Variants in MCC observed in about 807,000 individuals in gnomAD.
MCC encodes colorectal mutant cancer protein.
In MCC, 90 loss-of-function variants were observed where a neutral mutation model predicts 116.2. The ratio of observed to expected loss-of-function variants is 0.77; its 90% CI spans 0.65 to 0.92. The LOEUF (loss-of-function observed/expected upper bound fraction) is 0.92. Ranked by LOEUF, MCC falls within the 40% of genes least tolerant of loss-of-function variation. MCC has a pLI of 0.00. For missense variants in MCC, 1,516 were observed against 1,312.2 expected (o/e 1.16, Z -2.40); for synonymous variants, 578 against 510.5 (o/e 1.13, Z -1.78).
chr5:113,422,141 T>C (rs892042557), intron 1 of MCC, among the ~76,000 whole-genome samples: 2 of 152,202 alleles, frequency 1.3e-5, no homozygotes, highest in Non-Finnish European at 2.9e-5. Flanking sequence ...AGCCTTGATT[T>C]GGAGCATTTG....
chr5:113,232,222 A>C (rs1204037523), intron 3 of MCC, among the ~76,000 whole-genome samples: 1 of 152,234 alleles, frequency 6.6e-6, no homozygotes, highest in Non-Finnish European at 1.5e-5. Context: ...GTGAAGTAGG[A>C]AAACAACATA....
chr5:113,365,369 C>G (rs144762128), intron 2 of MCC, among the ~76,000 whole-genome samples: 1 of 152,196 alleles, frequency 6.6e-6, no homozygotes, highest in Non-Finnish European at 1.5e-5. Context: ...CACAAGTGAC[C>G]TTTACTCTAG....
At chr5:113,320,401 G>T (rs1767389891) in intron 3 of MCC, among the ~76,000 whole-genome samples, 1 of 150,144 alleles carries the variant, frequency 6.7e-6, no homozygotes, top group Non-Finnish European at 1.5e-5. Flanking sequence ...ATTTTCAAAT[G>T]GTGATAACAT....
At chr5:113,036,012 C>CTTTT (rs771378295) in intron 17 of MCC, among the ~76,000 whole-genome samples, 5 of 62,904 alleles carry the variant, frequency 7.9e-5, no homozygotes, top group African/African-American at 3.3e-4. Flanking sequence ...GGATGAGGAA[C>CTTTT]TTTTTTTTTT....
At chr5:113,300,308 A>G (rs967864424) in intron 3 of MCC, among the ~76,000 whole-genome samples, 1 of 152,102 alleles carries the variant, frequency 6.6e-6, no homozygotes, top group African/African-American at 2.4e-5. Flanking sequence ...CCAGCAGTCC[A>G]CTGTGCTGAG....
intron 3 of MCC, among the ~76,000 whole-genome samples, chr5:113,212,260 A>G (rs1763161720): frequency 6.6e-6 from 1 of 152,162 alleles, no homozygotes; most frequent in Admixed American, 6.5e-5. Flanking sequence ...AGGCAAGAAA[A>G]AGCCATTCCC....
At chr5:113,347,786 A>AATG (rs140592178) in intron 2 of MCC, among the ~76,000 whole-genome samples, 29,563 of 151,928 alleles carry the variant, frequency 0.19, 3,467 homozygotes, top group Admixed American at 0.32. Flanking sequence ...AGAGTGCCTA[A>AATG]ATGGATAAAA....
At chr5:113,284,455 T>C (rs1766169114) in intron 3 of MCC, among the ~76,000 whole-genome samples, 1 of 152,240 alleles carries the variant, frequency 6.6e-6, no homozygotes, top group South Asian at 2.1e-4. Flanking sequence ...AACTTTCTCC[T>C]TTTAAAATAA....
chr5:113,467,499 T>G (rs568096057), intron 1 of MCC, among the ~76,000 whole-genome samples: 2 of 152,194 alleles, frequency 1.3e-5, no homozygotes, highest in South Asian at 2.1e-4. Context: ...GTTGTAGATA[T>G]GCAGCATTAT....
At chr5:113,442,841 C>T (rs1258293320) in intron 1 of MCC, among the ~76,000 whole-genome samples, 2 of 152,166 alleles carry the variant, frequency 1.3e-5, no homozygotes, top group Non-Finnish European at 2.9e-5. Context: ...GGCCTCTGTT[C>T]TGTTCCATTG....
At chr5:113,204,757 T>C (rs1162742700) in intron 3 of MCC, among the ~76,000 whole-genome samples, 1 of 152,202 alleles carries the variant, frequency 6.6e-6, no homozygotes, top group Non-Finnish European at 1.5e-5. Context: ...GGGAGGGTAA[T>C]TGCATCTACT....
intron 3 of MCC, among the ~76,000 whole-genome samples, chr5:113,197,725 G>A: frequency 6.6e-6 from 1 of 152,186 alleles, no homozygotes; most frequent in East Asian, 1.9e-4. Context: ...CCCCACATGG[G>A]TGAATTACTA....
At chr5:113,187,309 A>G (rs921045618) in intron 3 of MCC, among the ~76,000 whole-genome samples, 1 of 152,060 alleles carries the variant, frequency 6.6e-6, no homozygotes, top group Non-Finnish European at 1.5e-5. Flanking sequence ...GGGTTTTGCC[A>G]TGTTGGCCAG....
At position 113,295,842 on chromosome 5, in the gene MCC, G is replaced by C. The variant is rs1470944322; in HGVS notation, c.627+44677C>G. ...ACAGTAGGTCTGCGAGATTGCTTAA[G>C]AGACCTCATCAGTCTCTTTCTACAC... On this transcript the variant is annotated intron_variant, in intron 3 of 18. Transcript: ENST00000408903. 3.3e-5 allele frequency among the ~76,000 whole-genome samples: 5 copies of C among 152,178 alleles called. No individual in the cohort carries two copies. In the East Asian group the frequency reaches 9.6e-4, roughly 29 times the overall value.
chr5:113,463,101 G>A (rs187217347), intron 1 of MCC, among the ~76,000 whole-genome samples: 59 of 152,290 alleles, frequency 3.9e-4, no homozygotes, highest in African/African-American at 1.4e-3. Flanking sequence ...CAGTGCACAG[G>A]AGCTAGATAG....
At chr5:113,112,469 T>A (rs1248439094) in intron 6 of MCC, among the ~76,000 whole-genome samples, 2 of 152,222 alleles carry the variant, frequency 1.3e-5, no homozygotes, top group South Asian at 2.1e-4. Flanking sequence ...TTGCTTCCCC[T>A]TCACCTTCTG....
chr5:113,099,523 C>T (rs915656581), intron 8 of MCC, among the ~76,000 whole-genome samples: 5 of 152,224 alleles, frequency 3.3e-5, no homozygotes, highest in African/African-American at 1.2e-4. Context: ...TGCCAGACAT[C>T]GCCTAACCAC....
intron 17 of MCC, among the ~76,000 whole-genome samples, chr5:113,034,714 G>C (rs994392607): frequency 6.6e-6 from 1 of 152,162 alleles, no homozygotes; most frequent in African/African-American, 2.4e-5. Flanking sequence ...CTTTTAACCC[G>C]TCAGGCTCTG....
Position 113,027,273 on chromosome 5 carries a change from T to C in MCC, c.*29A>G, listed in dbSNP as rs1750613621. On this transcript the variant is annotated 3_prime_UTR_variant, in exon 19 of 19. Coordinates refer to ENST00000408903, the MANE Select transcript of MCC (RefSeq NM_001085377.2). The stretch of plus-strand genomic sequence containing the variant: ...GTGGCCTGCTGCAGTTTACTTCCCA[T>C]GGGCAGAACTCCGGTGCGTGAGTGC... 2.5e-6 allele frequency: 4 copies of C among 1,610,516 alleles called. No homozygotes were observed. Among genetic ancestry groups the C allele is most frequent in the Admixed American group, 1.7e-5 (1 of 59,776 alleles).
Sources: gnomAD v4.1 joint callset for allele counts (sites outside exome capture counted in the v4.1 genomes callset) on GRCh38, gnomAD v4.1.1 for gene constraint, MANE v1.5 for transcripts, NCBI Gene and HGNC (gene_info 2026-07-23, HGNC 2026-07-21) for gene names.